Variants in TENM3 observed in about 807,000 individuals in gnomAD.
TENM3 encodes the protein teneurin-3.
Under a neutral mutation model 255.1 loss-of-function variants are expected in TENM3, and 63 were observed. The ratio of observed to expected loss-of-function variants is 0.25; its 90% CI spans 0.20 to 0.30. The LOEUF is 0.30. Ranked by LOEUF, TENM3 falls within the 10% of genes least tolerant of loss-of-function variation. The pLI is 1.00. For missense variants in TENM3, 2,929 were observed against 3,461.1 expected (o/e 0.85, Z 3.86); for synonymous variants, 1,306 against 1,322.3 (o/e 0.99, Z 0.27).
chr4:181,516,497 A>G, the TENM3 span, among the ~76,000 whole-genome samples: 7 of 152,080 alleles, frequency 4.6e-5, no homozygotes, highest in Non-Finnish European at 1.0e-4. Flanking sequence ...AACAATAGTC[A>G]TGGGTGGGCG....
At chr4:181,778,490 G>C in the TENM3 span, among the ~76,000 whole-genome samples, 6 of 152,088 alleles carry the variant, frequency 3.9e-5, no homozygotes, top group Non-Finnish European at 1.5e-5. Context: ...AAAATGAAAA[G>C]GTTTTCTGGT....
the TENM3 span, among the ~76,000 whole-genome samples, chr4:181,693,425 C>G: frequency 1.3e-5 from 2 of 152,174 alleles, no homozygotes; most frequent in Admixed American, 6.5e-5. Flanking sequence ...ACAGTCCATT[C>G]CTCAGACACC....
the TENM3 span, among the ~76,000 whole-genome samples, chr4:181,597,098 T>C: frequency 1.3e-5 from 2 of 152,204 alleles, no homozygotes; most frequent in African/African-American, 4.8e-5. Context: ...TTTTGTACAG[T>C]TGTATTCAAC....
the TENM3 span, among the ~76,000 whole-genome samples, chr4:181,706,855 C>T: frequency 6.4e-4 from 98 of 152,310 alleles, no homozygotes; most frequent in African/African-American, 2.2e-3. Context: ...AGTGTTCTGA[C>T]ATTTGTTAGC....
At chr4:182,448,586 A>G (rs1249352411) in intron 3 of TENM3, among the ~76,000 whole-genome samples, 1 of 152,138 alleles carries the variant, frequency 6.6e-6, no homozygotes, top group African/African-American at 2.4e-5. Context: ...GCGCTGCCGG[A>G]GAACAGCTCT....
the TENM3 span, among the ~76,000 whole-genome samples, chr4:181,504,587 G>A: frequency 2.0e-5 from 3 of 152,036 alleles, no homozygotes; most frequent in Non-Finnish European, 2.9e-5. Flanking sequence ...TCAAGACCCA[G>A]AATTCAGGAT....
the TENM3 span, among the ~76,000 whole-genome samples, chr4:181,716,688 A>G: frequency 6.6e-6 from 1 of 152,214 alleles, no homozygotes; most frequent in Middle Eastern, 3.2e-3. Context: ...AAATGAGATA[A>G]CATGTATAAA....
chr4:181,979,336 T>C, the TENM3 span, among the ~76,000 whole-genome samples: 2 of 151,582 alleles, frequency 1.3e-5, no homozygotes, highest in African/African-American at 4.8e-5. Flanking sequence ...CTCCCGTTTA[T>C]ATTTCAAAGT....
At chr4:181,601,128 G>A in the TENM3 span, among the ~76,000 whole-genome samples, 1 of 152,152 alleles carries the variant, frequency 6.6e-6, no homozygotes, top group East Asian at 1.9e-4. Context: ...ACCTGCATTA[G>A]TTTTCTATGG....
chr4:181,927,854 T>C, the TENM3 span, among the ~76,000 whole-genome samples: 3 of 152,318 alleles, frequency 2.0e-5, no homozygotes, highest in Admixed American at 2.0e-4. Flanking sequence ...TTTGCTGCTC[T>C]GCAGCCTCGT....
At chr4:182,342,350 A>C (rs1764537954) in intron 2 of TENM3, among the ~76,000 whole-genome samples, 1 of 152,222 alleles carries the variant, frequency 6.6e-6, no homozygotes. Flanking sequence ...AAGAACTTTG[A>C]AAACATTATT....
the TENM3 span, among the ~76,000 whole-genome samples, chr4:181,642,826 A>G: frequency 6.6e-6 from 1 of 151,984 alleles, no homozygotes; most frequent in African/African-American, 2.4e-5. Flanking sequence ...GATGTGCGGT[A>G]TTATTTCTGA....
chr4:181,756,800 A>G, the TENM3 span, among the ~76,000 whole-genome samples: 1 of 152,192 alleles, frequency 6.6e-6, no homozygotes, highest in Non-Finnish European at 1.5e-5. Context: ...GCATTCCACT[A>G]TTATGCTCAG....
intron 3 of TENM3, among the ~76,000 whole-genome samples, chr4:182,521,751 A>T (rs1001918353): frequency 1.2e-4 from 18 of 152,204 alleles, no homozygotes; most frequent in East Asian, 1.9e-4. Context: ...GGATATTTTT[A>T]AAAAATTTCA....
the TENM3 span, among the ~76,000 whole-genome samples, chr4:181,912,654 C>T: frequency 6.6e-6 from 1 of 151,686 alleles, no homozygotes; most frequent in Non-Finnish European, 1.5e-5. Context: ...AGCCTGTAAT[C>T]CTGGCTACTC....
the TENM3 span, among the ~76,000 whole-genome samples, chr4:181,858,762 G>A: frequency 3.9e-5 from 6 of 152,218 alleles, no homozygotes; most frequent in East Asian, 3.9e-4. Flanking sequence ...TTGACTAGAC[G>A]GGCCAGAGAA....
chr4:181,823,059 T>A, the TENM3 span, among the ~76,000 whole-genome samples: 1 of 152,182 alleles, frequency 6.6e-6, no homozygotes, highest in East Asian at 1.9e-4. Flanking sequence ...GAGAAGCGAT[T>A]AGCATTTTGT....
chr4:182,175,615 T>C (rs1752435076), intron 1 of TENM3, among the ~76,000 whole-genome samples: 1 of 152,180 alleles, frequency 6.6e-6, no homozygotes, highest in African/African-American at 2.4e-5. Flanking sequence ...TTGACTGTCT[T>C]ATTGTCAGTT....
intron 1 of TENM3, among the ~76,000 whole-genome samples, chr4:182,233,437 T>C (rs1756703122): frequency 2.0e-5 from 3 of 152,210 alleles, no homozygotes; most frequent in Non-Finnish European, 4.4e-5. Context: ...TCCAAATTCC[T>C]ACAAGACTGC....
Sources: allele counts gnomAD v4.1 joint callset (sites outside exome capture counted in the v4.1 genomes callset), GRCh38; gene constraint gnomAD v4.1.1; transcripts MANE v1.5; gene names NCBI Gene and HGNC (gene_info 2026-07-23, HGNC 2026-07-21).